LRRC4C: variants seen among roughly 807,000 people sequenced by gnomAD.
LRRC4C encodes leucine rich repeat containing 4C.
Under a neutral mutation model 33.6 loss-of-function variants are expected in LRRC4C, and 5 were observed. That is an observed-to-expected ratio of 0.15 (90% CI 0.08 to 0.31). The LOEUF (loss-of-function observed/expected upper bound fraction) is 0.31, where lower values mean the gene tolerates loss of function less well. Ranked by LOEUF, LRRC4C falls within the 10% of genes least tolerant of loss-of-function variation. The pLI, the probability that LRRC4C is intolerant of heterozygous loss-of-function variation, is 1.00. For missense variants in LRRC4C, 560 were observed against 796.7 expected (o/e 0.70, Z 3.58); for synonymous variants, 329 against 302.0 (o/e 1.09, Z -0.93).
intron 3 of LRRC4C, among the ~76,000 whole-genome samples, chr11:40,647,565 G>A (rs1190912555): frequency 6.6e-6 from 1 of 152,036 alleles, no homozygotes; most frequent in East Asian, 1.9e-4. Context: ...TTCCCCACTG[G>A]TTCATTCAGA....
intron 2 of LRRC4C, among the ~76,000 whole-genome samples, chr11:40,852,081 C>A (rs968994620): frequency 2.0e-5 from 3 of 151,860 alleles, no homozygotes; most frequent in Admixed American, 1.3e-4. Context: ...CCTGCCTCAG[C>A]CTCCCAAAGT....
intron 2 of LRRC4C, among the ~76,000 whole-genome samples, chr11:40,746,671 G>A (rs1465565075): frequency 1.3e-5 from 2 of 152,114 alleles, no homozygotes; most frequent in Non-Finnish European, 2.9e-5. Context: ...ACCAGGCTAT[G>A]TATGCTCCAT....
chr11:41,441,978 T>C (rs1462952846), intron 1 of LRRC4C, among the ~76,000 whole-genome samples: 1 of 152,218 alleles, frequency 6.6e-6, no homozygotes, highest in Non-Finnish European at 1.5e-5. Flanking sequence ...AGTATTTCAG[T>C]ATATTACTAT....
At position 40,307,190 on chromosome 11, in the gene LRRC4C, T is replaced by A. The variant is rs977865567; in HGVS notation, c.-176+12438A>T. Among the ~76,000 whole-genome samples the A allele has an allele frequency of 4.6e-5, 7 of 152,080 alleles. No individual in the cohort carries two copies. In the East Asian group the frequency reaches 1.3e-3, roughly 29 times the overall value. On this transcript the variant is annotated intron_variant, in intron 4 of 6. Transcript: ENST00000528697. ...CCCCCATTATGACAATCAAAATGTC[T>A]ACAGACATGAATAATTCTCTCCTCC...
At chr11:40,563,631 G>A (rs1020698690) in intron 3 of LRRC4C, among the ~76,000 whole-genome samples, 8 of 152,124 alleles carry the variant, frequency 5.3e-5, no homozygotes, top group Non-Finnish European at 1.0e-4. Flanking sequence ...CTAATAGTTG[G>A]TGGCACAGAG....
intron 3 of LRRC4C, among the ~76,000 whole-genome samples, chr11:40,546,111 TTCCTTCCTTCC>T: frequency 6.6e-6 from 1 of 150,954 alleles, no homozygotes; most frequent in Non-Finnish European, 1.5e-5. Context: ...CCTTCCTTCC[TTCCTTCCTTCC>T]TTCCTTCCTT....
intron 3 of LRRC4C, among the ~76,000 whole-genome samples, chr11:40,496,391 A>T (rs1954460319): frequency 6.6e-6 from 1 of 152,180 alleles, no homozygotes; most frequent in Admixed American, 6.5e-5. Flanking sequence ...TTGTGAAAGG[A>T]TTACCACAAT....
At chr11:40,966,194 A>C (rs1385600726) in intron 1 of LRRC4C, among the ~76,000 whole-genome samples, 3 of 152,018 alleles carry the variant, frequency 2.0e-5, no homozygotes, top group African/African-American at 7.2e-5. Context: ...CATCCTCAAC[A>C]AAATCAATAC....
chr11:40,944,696 C>A (rs761280667), intron 1 of LRRC4C, among the ~76,000 whole-genome samples: 1 of 152,080 alleles, frequency 6.6e-6, no homozygotes, highest in African/African-American at 2.4e-5. Flanking sequence ...TCTGCAAACA[C>A]CTGGTAGGTT....
At chr11:40,215,069 T>C (rs1863877431) in intron 5 of LRRC4C, among the ~76,000 whole-genome samples, 1 of 152,154 alleles carries the variant, frequency 6.6e-6, no homozygotes, top group South Asian at 2.1e-4. Context: ...GCCAAATGCT[T>C]CGATTGTTAC....
At chr11:41,225,436 C>T (rs1947487489) in intron 1 of LRRC4C, among the ~76,000 whole-genome samples, 1 of 151,874 alleles carries the variant, frequency 6.6e-6, no homozygotes, top group Non-Finnish European at 1.5e-5. Context: ...TCTATATGCC[C>T]ACAAAAATTA....
chr11:41,141,225 C>A (rs968814178), intron 1 of LRRC4C, among the ~76,000 whole-genome samples: 1 of 151,892 alleles, frequency 6.6e-6, no homozygotes, highest in African/African-American at 2.4e-5. Flanking sequence ...TCTTTCAGCC[C>A]CAATGCTCCC....
chr11:40,742,447 C>T (rs1173341047), intron 2 of LRRC4C, among the ~76,000 whole-genome samples: 1 of 151,934 alleles, frequency 6.6e-6, no homozygotes, highest in East Asian at 1.9e-4. Flanking sequence ...ACCAATGGCT[C>T]TTCATTCAAT....
intron 2 of LRRC4C, among the ~76,000 whole-genome samples, chr11:40,800,108 A>T (rs1018391662): frequency 6.6e-6 from 1 of 152,190 alleles, no homozygotes; most frequent in African/African-American, 2.4e-5. Flanking sequence ...TAAATTCCTA[A>T]TTAAGTGTTT....
At chr11:40,993,828 T>C (rs891817622) in intron 1 of LRRC4C, among the ~76,000 whole-genome samples, 3 of 152,066 alleles carry the variant, frequency 2.0e-5, no homozygotes, top group Non-Finnish European at 4.4e-5. Flanking sequence ...ACAGCAACAG[T>C]GAGACAATGT....
intron 4 of LRRC4C, among the ~76,000 whole-genome samples, chr11:40,314,981 G>C (rs10837381): frequency 0.98 from 149,157 of 152,116 alleles, 73,222 homozygotes; most frequent in Middle Eastern, 1. Flanking sequence ...TTCTTGTGCT[G>C]TATATCACTA....
chr11:40,382,725 G>T (rs985832081), intron 3 of LRRC4C, among the ~76,000 whole-genome samples: 1 of 113,314 alleles, frequency 8.8e-6, no homozygotes, highest in South Asian at 2.9e-4. Flanking sequence ...ACAGAGTCTC[G>T]CTCTGTCGCC....
intron 1 of LRRC4C, among the ~76,000 whole-genome samples, chr11:41,236,823 G>T (rs1463339648): frequency 6.6e-6 from 1 of 152,180 alleles, no homozygotes; most frequent in Admixed American, 6.6e-5. Context: ...GAATGTAGAA[G>T]AAAGAATAGT....
intron 1 of LRRC4C, among the ~76,000 whole-genome samples, chr11:41,072,595 T>C (rs1249472248): frequency 6.6e-6 from 1 of 152,102 alleles, no homozygotes; most frequent in African/African-American, 2.4e-5. Flanking sequence ...TCCGCAGCCA[T>C]GCTTCCTGTA....
Sources: allele counts gnomAD v4.1 joint callset (sites outside exome capture counted in the v4.1 genomes callset), GRCh38; gene constraint gnomAD v4.1.1; transcripts MANE v1.5; gene names NCBI Gene and HGNC (gene_info 2026-07-23, HGNC 2026-07-21).